The following ANK2 variants were observed in gnomAD, a reference collection of about 807,000 sequenced individuals.
ANK2 encodes the protein ankyrin-2.
Under a neutral mutation model 360.5 loss-of-function variants are expected in ANK2, and 83 were observed. The ratio of observed to expected loss-of-function variants is 0.23; its 90% CI spans 0.19 to 0.28. The LOEUF is 0.28. ANK2 is among the 10% of genes least tolerant of loss of function. The probability of loss-of-function intolerance (pLI) is 1.00; values close to 1 mark genes in which losing one functional copy is unlikely to be tolerated. For synonymous variants in ANK2, 1,740 were observed against 1,759.5 expected (o/e 0.99, Z 0.28); for missense variants, 4,201 against 4,795.7 (o/e 0.88, Z 3.66).
At chr4:113,326,087 C>T (rs1207817421) in intron 26 of ANK2, among the ~76,000 whole-genome samples, 1 of 152,200 alleles carries the variant, frequency 6.6e-6, no homozygotes, top group Non-Finnish European at 1.5e-5. Context: ...CGACTCACAC[C>T]TTCTAACCTT....
chr4:113,324,012 G>A (rs1390606543), intron 26 of ANK2, among the ~76,000 whole-genome samples: 1 of 152,174 alleles, frequency 6.6e-6, no homozygotes, highest in Non-Finnish European at 1.5e-5. Flanking sequence ...TGGAAATAAA[G>A]TGGGGCTGTT....
chr4:113,303,915 T>TA (rs545215844), intron 23 of ANK2, among the ~76,000 whole-genome samples: 3 of 152,218 alleles, frequency 2.0e-5, no homozygotes, highest in Non-Finnish European at 4.4e-5. Context: ...TTCTTTAAGA[T>TA]AAAATCATAA....
At chr4:112,734,282 G>C in the ANK2 span, among the ~76,000 whole-genome samples, 1 of 152,138 alleles carries the variant, frequency 6.6e-6, no homozygotes, top group Non-Finnish European at 1.5e-5. Context: ...TAATCTTTTG[G>C]AGAAGGAACT....
At chr4:112,826,515 G>A in intron 1 of ANK2, 1 of 1,246,868 alleles carries the variant, frequency 8.0e-7, no homozygotes, top group African/African-American at 1.5e-5. Context: ...TGACAAGCCT[G>A]TTATTGGCAC....
chr4:113,047,008 T>C (rs2064699017), upstream of ANK2, among the ~76,000 whole-genome samples: 1 of 152,234 alleles, frequency 6.6e-6, no homozygotes, highest in African/African-American at 2.4e-5. Context: ...AAAAACGTGT[T>C]CTGACTTCAA....
At chr4:113,245,148 G>A (rs2042172140) in intron 9 of ANK2, among the ~76,000 whole-genome samples, 1 of 152,086 alleles carries the variant, frequency 6.6e-6, no homozygotes, top group South Asian at 2.1e-4. Flanking sequence ...TAAAAGCATT[G>A]TTGGGTTCTT....
chr4:113,090,235 C>T (rs1275999691), intron 1 of ANK2, among the ~76,000 whole-genome samples: 1 of 152,156 alleles, frequency 6.6e-6, no homozygotes, highest in Non-Finnish European at 1.5e-5. Flanking sequence ...ATAAAAATCT[C>T]AAATCATTGA....
chr4:112,905,206 T>G (rs1028974132), intron 2 of ANK2, among the ~76,000 whole-genome samples: 2 of 152,180 alleles, frequency 1.3e-5, no homozygotes, highest in African/African-American at 4.8e-5. Flanking sequence ...TCTCATTTGG[T>G]TACAGAGGAA....
rs371343942 is a variant in ANK2 at position 113,357,545 on chromosome 4, C to G, written c.8927C>G (p.Ser2976Cys). The change falls in exon 38 of 46, where the codon TCC (serine) becomes TGC (cysteine). Residue 2976 changes from serine to cysteine, a missense_variant. This residue lies in a region of ANK2 where 2,642 missense variants were observed against 2,714.5 expected (regional missense o/e 0.97). Transcript: ENST00000357077. ...SPVEDVVVAS[S>C]SSGTVLSKES... ...GTTGAAGACGTTGTAGTGGCAAGCT[C>G]CTCTAGTGGAACTGTTTTAAGCAAA... The G allele has an allele frequency of 6.4e-5, 104 of 1,613,982 alleles. No homozygotes were observed. The highest frequency in any genetic ancestry group is 8.4e-5 in the Non-Finnish European group (99 of 1,179,986).
At chr4:113,138,445 A>G (rs1207730312) in intron 1 of ANK2, among the ~76,000 whole-genome samples, 1 of 152,208 alleles carries the variant, frequency 6.6e-6, no homozygotes, top group Admixed American at 6.5e-5. Flanking sequence ...TTATCCTCAT[A>G]ATAAATCAGG....
chr4:113,373,261 A>G (rs1336797613), intron 44 of ANK2, 24 bp from the exon 45 acceptor site: 4 of 1,613,876 alleles, frequency 2.5e-6, no homozygotes, highest in Non-Finnish European at 3.4e-6. Flanking sequence ...CAAAAATAAG[A>G]TACACAAATG....
chr4:113,255,703 AG>A lies in ANK2; in HGVS notation c.991-30del. 3 of 1,600,420 alleles carry A rather than the reference AG, an allele frequency of 1.9e-6. No homozygotes were observed. The South Asian group carries it at 3.3e-5, about 18-fold the overall frequency. On this transcript the variant is annotated intron_variant, in intron 10 of 45. Coordinates refer to ENST00000357077, the MANE Select transcript of ANK2 (RefSeq NM_001148.6). ...AACCTGAAAATAATGAAAAAAAAAA[AG>A]GACATTATTTTGTTTTCTTTTAATG... is the stretch of plus-strand genomic sequence containing the variant.
rs1338525566 is a variant in ANK2, at chr4:112,904,474, A to G, written c.-20A>G. On this transcript the variant is annotated 5_prime_UTR_variant, in exon 2 of 31. Coordinates refer to the ANK2 transcript ENST00000503271. ...TTTTAGGTAAGTAATGAAAAGAGAC[A>G]TGAAGAATTGGTATTTCAAATGACC... 4 of 1,498,592 alleles carry G rather than the reference A, an allele frequency of 2.7e-6. No individual in the cohort carries two copies. In the South Asian group the frequency reaches 5.2e-5, roughly 19 times the overall value. 92.8% of individuals were successfully genotyped at this position (1,498,592 alleles called of 1,614,324 possible).
chr4:113,193,901 T>G (rs1374379811), intron 2 of ANK2, among the ~76,000 whole-genome samples: 6 of 152,236 alleles, frequency 3.9e-5, no homozygotes, highest in Admixed American at 6.5e-5. Flanking sequence ...GTTATATAAG[T>G]TAGTTGTACT....
intron 2 of ANK2, among the ~76,000 whole-genome samples, chr4:112,910,373 G>A (rs1001995849): frequency 2.6e-5 from 4 of 152,182 alleles, no homozygotes; most frequent in African/African-American, 9.7e-5. Context: ...TCACAGAAAA[G>A]CTTTATTCAG....
intron 2 of ANK2, among the ~76,000 whole-genome samples, chr4:113,027,352 C>T (rs1177795048): frequency 1.3e-5 from 2 of 152,118 alleles, no homozygotes; most frequent in Admixed American, 6.6e-5. Flanking sequence ...CTGTAAGCAC[C>T]TCCAGATCCC....
intron 1 of ANK2, among the ~76,000 whole-genome samples, chr4:112,855,912 G>A (rs1304368589): frequency 1.3e-5 from 2 of 152,166 alleles, no homozygotes; most frequent in African/African-American, 4.8e-5. Flanking sequence ...AACATGAGAA[G>A]AGTGTCATAT....
chr4:113,046,042 A>T (rs1157027735), upstream of ANK2, among the ~76,000 whole-genome samples: 1 of 152,192 alleles, frequency 6.6e-6, no homozygotes, highest in Non-Finnish European at 1.5e-5. Flanking sequence ...AGTTAGGGAC[A>T]TGCCCACTGG....
chr4:112,864,883 T>A (rs186484568), intron 1 of ANK2, among the ~76,000 whole-genome samples: 4 of 150,802 alleles, frequency 2.7e-5, no homozygotes, highest in Admixed American at 2.6e-4. Context: ...ATACAAAAAA[T>A]TAGCTGGGCG....
Sources: gnomAD v4.1 joint callset for allele counts (sites outside exome capture counted in the v4.1 genomes callset) on GRCh38, gnomAD v4.1.1 for gene constraint, gnomAD v4.1.1 regional missense constraint, MANE v1.5 for transcripts, NCBI Gene and HGNC (gene_info 2026-07-23, HGNC 2026-07-21) for gene names.